The following FGF12 variants were observed in gnomAD, a reference collection of about 807,000 sequenced individuals.
The protein encoded by FGF12 is fibroblast growth factor 12B.
FGF12 carries 14 observed loss-of-function variants against 23.6 expected under a neutral mutation model. The ratio of observed to expected loss-of-function variants is 0.59; its 90% CI spans 0.39 to 0.93. The LOEUF (loss-of-function observed/expected upper bound fraction) is 0.93. Among genes scored for constraint, FGF12 ranks in the 40% least tolerant of loss-of-function variants. The pLI, the probability that FGF12 is intolerant of heterozygous loss-of-function variation, is 0.00. For missense variants in FGF12, 175 were observed against 217.8 expected (o/e 0.80, Z 1.24); for synonymous variants, 62 against 77.3 (o/e 0.80, Z 1.04).
At chr3:192,410,855 C>T (rs955486073) in intron 2 of FGF12, among the ~76,000 whole-genome samples, 1 of 152,196 alleles carries the variant, frequency 6.6e-6, no homozygotes, top group Admixed American at 6.5e-5. Context: ...ATGTTGGAGA[C>T]ACTGGGCAGA....
intron 2 of FGF12, among the ~76,000 whole-genome samples, chr3:192,458,855 C>A (rs1722767207): frequency 6.6e-6 from 1 of 152,106 alleles, no homozygotes; most frequent in South Asian, 2.1e-4. Flanking sequence ...TGAATTGTAT[C>A]CCCACAATTC....
intron 3 of FGF12, among the ~76,000 whole-genome samples, chr3:192,342,655 G>T (rs1717751122): frequency 6.6e-6 from 1 of 151,582 alleles, no homozygotes; most frequent in East Asian, 1.9e-4. Flanking sequence ...GTGTGCCTGT[G>T]GTCCCAGCTA....
chr3:192,688,659 A>G (rs1705672457), intron 2 of FGF12, among the ~76,000 whole-genome samples: 1 of 152,232 alleles, frequency 6.6e-6, no homozygotes, highest in Non-Finnish European at 1.5e-5. Context: ...AAAGAAGCTC[A>G]GTAAAAAATA....
intron 2 of FGF12, among the ~76,000 whole-genome samples, chr3:192,637,152 C>A (rs1013146566): frequency 6.6e-6 from 1 of 152,150 alleles, no homozygotes; most frequent in Non-Finnish European, 1.5e-5. Context: ...GGAAATCTTG[C>A]GGAATGCTGA....
intron 2 of FGF12, among the ~76,000 whole-genome samples, chr3:192,572,789 C>T (rs927368221): frequency 6.6e-6 from 1 of 152,192 alleles, no homozygotes; most frequent in South Asian, 2.1e-4. Flanking sequence ...TTTTTATGTA[C>T]AATTTAAAAT....
At chr3:192,702,035 T>A (rs902967040) in intron 2 of FGF12, among the ~76,000 whole-genome samples, 1 of 152,192 alleles carries the variant, frequency 6.6e-6, no homozygotes, top group Non-Finnish European at 1.5e-5. Context: ...ACAACTCTAA[T>A]AACCTGGTAA....
At chr3:192,588,801 G>A (rs1333496490) in intron 2 of FGF12, among the ~76,000 whole-genome samples, 1 of 151,886 alleles carries the variant, frequency 6.6e-6, no homozygotes, top group Non-Finnish European at 1.5e-5. Flanking sequence ...ATTAAAGCAC[G>A]CTGGAATTCC....
intron 2 of FGF12, among the ~76,000 whole-genome samples, chr3:192,536,561 G>A (rs1725227912): frequency 6.6e-6 from 1 of 151,928 alleles, no homozygotes; most frequent in Non-Finnish European, 1.5e-5. Flanking sequence ...TAATGATCCT[G>A]AGACATTAAC....
chr3:192,593,475 A>G (rs7637823), intron 2 of FGF12, among the ~76,000 whole-genome samples: 23,352 of 151,838 alleles, frequency 0.15, 2,055 homozygotes, highest in Middle Eastern at 0.2. Flanking sequence ...CCATTGGAAC[A>G]TAAACTCCAT....
chr3:192,174,602 T>C (rs1715755011), intron 4 of FGF12, among the ~76,000 whole-genome samples: 1 of 152,136 alleles, frequency 6.6e-6, no homozygotes. Flanking sequence ...CCAGCTTGGA[T>C]AGTCATTCTA....
At chr3:192,577,386 G>A (rs4687344) in intron 2 of FGF12, among the ~76,000 whole-genome samples, 25,586 of 152,098 alleles carry the variant, frequency 0.17, 2,879 homozygotes, top group East Asian at 0.42. Context: ...GAGAGTCATT[G>A]TGCTTATCTT....
At chr3:192,541,614 C>T (rs188215998) in intron 2 of FGF12, among the ~76,000 whole-genome samples, 119 of 152,204 alleles carry the variant, frequency 7.8e-4, no homozygotes, top group Middle Eastern at 6.8e-3. Context: ...CTTACTATTA[C>T]CAGTGAGTTT....
chr3:192,376,368 T>A (rs1050620673), intron 2 of FGF12, among the ~76,000 whole-genome samples: 1 of 151,656 alleles, frequency 6.6e-6, no homozygotes, highest in Non-Finnish European at 1.5e-5. Context: ...TTATTTTTAT[T>A]TTTATTTTTT....
rs1713952260 is a variant in FGF12 at position 192,598,303 on chromosome 3, A to AT, written c.13+128877dup. Among the ~76,000 whole-genome samples the AT allele has an allele frequency of 2.6e-5, 4 of 152,302 alleles. No homozygotes were observed. The South Asian group carries it at 8.3e-4, about 32-fold the overall frequency. On this transcript the variant is annotated intron_variant, in intron 2 of 5. Transcript: ENST00000445105. ...TGTCTATGCATTATTGGAAAAGAAT[A>AT]TTTTATACTGTCGAGGGGCTAGAGG... is the stretch of plus-strand genomic sequence containing the variant.
chr3:192,518,952 A>G (rs1724748307), intron 2 of FGF12, among the ~76,000 whole-genome samples: 1 of 149,884 alleles, frequency 6.7e-6, no homozygotes, highest in Non-Finnish European at 1.5e-5. Context: ...ATCTCCTTCT[A>G]TTATTTTCCA....
intron 2 of FGF12, among the ~76,000 whole-genome samples, chr3:192,604,006 C>T (rs907083451): frequency 2.0e-5 from 3 of 151,994 alleles, no homozygotes; most frequent in East Asian, 3.9e-4. Flanking sequence ...TTATAGACCT[C>T]CCCCCAGGAA....
chr3:192,511,404 T>A (rs575082035), intron 2 of FGF12, among the ~76,000 whole-genome samples: 1 of 152,290 alleles, frequency 6.6e-6, no homozygotes, highest in South Asian at 2.1e-4. Flanking sequence ...CCTGCTGAAG[T>A]GATGAGGAAC....
chr3:192,343,015 G>A (rs1455946673), intron 3 of FGF12, among the ~76,000 whole-genome samples: 3 of 151,864 alleles, frequency 2.0e-5, no homozygotes, highest in African/African-American at 4.8e-5. Flanking sequence ...GAGGGAGGAA[G>A]AAGGGAGGGA....
intron 4 of FGF12, among the ~76,000 whole-genome samples, chr3:192,217,480 A>G (rs1225880296): frequency 6.6e-6 from 1 of 152,154 alleles, no homozygotes; most frequent in Non-Finnish European, 1.5e-5. Context: ...CTGTGGGTAA[A>G]TGCTCTTTAT....
Sources: allele counts gnomAD v4.1 joint callset (sites outside exome capture counted in the v4.1 genomes callset), GRCh38; gene constraint gnomAD v4.1.1; transcripts MANE v1.5; gene names NCBI Gene and HGNC (gene_info 2026-07-23, HGNC 2026-07-21).